The following ADAMTS16 variants were observed in gnomAD, a reference collection of about 807,000 sequenced individuals.
ADAMTS16 encodes A disintegrin and metalloproteinase with thrombospondin motifs 16.
A neutral mutation model predicts 145.8 loss-of-function variants in ADAMTS16; 94 were observed. That is an observed-to-expected ratio of 0.64 (90% CI 0.55 to 0.77). ADAMTS16 has a LOEUF of 0.77. Ranked by LOEUF, ADAMTS16 falls within the 30% of genes least tolerant of loss-of-function variation. The probability of loss-of-function intolerance (pLI) is 0.00; values close to 1 mark genes in which losing one functional copy is unlikely to be tolerated. For synonymous variants in ADAMTS16, 659 were observed against 604.3 expected (o/e 1.09, Z -1.33); for missense variants, 1,585 against 1,591.5 (o/e 1.00, Z 0.07).
At chr5:5,213,954 G>A (rs543400871) in intron 10 of ADAMTS16, among the ~76,000 whole-genome samples, 84 of 152,158 alleles carry the variant, frequency 5.5e-4, no homozygotes, top group Non-Finnish European at 1.0e-3. Flanking sequence ...TTCTATATGA[G>A]CTGACTCTCA....
chr5:5,263,231 C>A (rs1738098271), intron 18 of ADAMTS16, among the ~76,000 whole-genome samples: 1 of 152,140 alleles, frequency 6.6e-6, no homozygotes, highest in Non-Finnish European at 1.5e-5. Context: ...AGGACTGGAG[C>A]CACAGAAAGC....
At chr5:5,305,332 A>ATC (rs1427509806) in intron 20 of ADAMTS16, among the ~76,000 whole-genome samples, 2 of 33,416 alleles carry the variant, frequency 6.0e-5, no homozygotes, top group Non-Finnish European at 6.0e-5. Flanking sequence ...ACACATCCAC[A>ATC]CCACACACAC....
Position 5,311,659 on chromosome 5 carries a change from G to A in ADAMTS16, c.3411+4931G>A, listed in dbSNP as rs112840811. Among the ~76,000 whole-genome samples, 502 of 150,582 alleles carry A rather than the reference G, an allele frequency of 3.3e-3. 5 individuals carry two copies. Among genetic ancestry groups the A allele is most frequent in the African/African-American group, 0.012 (485 of 40,914 alleles). ...CCTCCCCAGTTCAAGTGATTCTCCT[G>A]TCTCAGCCCCCCGAGTAGCTGGGAC... On this transcript the variant is annotated intron_variant, in intron 21 of 22. Coordinates refer to ENST00000274181, the MANE Select transcript of ADAMTS16 (RefSeq NM_139056.4).
chr5:5,143,700 T>A (rs1163336514), intron 2 of ADAMTS16, among the ~76,000 whole-genome samples: 1 of 152,188 alleles, frequency 6.6e-6, no homozygotes, highest in Non-Finnish European at 1.5e-5. Context: ...TGAAGCACTA[T>A]TCACAATAGC....
rs201747003 is a variant in ADAMTS16 at position 5,186,211 on chromosome 5, A to G, written c.923A>G (p.His308Arg). Residue 308 changes from histidine to arginine, a missense_variant, in exon 5 of 23, where the codon CAT (histidine) becomes CGT (arginine). Physicochemically the swap from His to Arg is conservative, Grantham distance 29 (BLOSUM62 0). Around this residue, in one of 3 missense-constraint regions of ADAMTS16, gnomAD observed 453 missense variants for 412.1 expected, o/e 1.10. Transcript: ENST00000274181. ...VDKKMMQNHG[H>R]ENITTYVLTI... Reference sequence around the variant, plus strand: ...AAAAAGATGATGCAAAACCATGGCCATGAAAATATCACCACCTACGTGCTC... The same window carrying G: ...AAAAAGATGATGCAAAACCATGGCCGTGAAAATATCACCACCTACGTGCTC... 246 of 1,613,874 alleles carry G rather than the reference A, an allele frequency of 1.5e-4. No homozygotes were observed. Among genetic ancestry groups the G allele is most frequent in the Non-Finnish European group, 2.0e-4 (235 of 1,180,016 alleles).
At chr5:5,242,309 C>G in intron 17 of ADAMTS16, 118 bp downstream of exon 17, 1 of 1,360,730 alleles carries the variant, frequency 7.3e-7, no homozygotes, top group Non-Finnish European at 9.7e-7. Context: ...CTGCCAGTAG[C>G]AGTGACATTC....
rs144997556 is a variant in ADAMTS16 at position 5,273,277 on chromosome 5, G to C, written c.2789+10494G>C. Among the ~76,000 whole-genome samples the C allele has an allele frequency of 2.6e-5, 4 of 152,352 alleles. No individual in the cohort carries two copies. In the East Asian group the frequency reaches 7.7e-4, roughly 29 times the overall value. ...CCAGTGACTCACGCCTGTAATCCCA[G>C]CACTTTGGGGCAAGTGGACGGCTTG... On this transcript the variant is annotated intron_variant, in intron 18 of 22. Coordinates refer to ENST00000274181, the MANE Select transcript of ADAMTS16 (RefSeq NM_139056.4).
At chr5:5,173,936 A>G (rs1281366671) in intron 3 of ADAMTS16, among the ~76,000 whole-genome samples, 3 of 152,138 alleles carry the variant, frequency 2.0e-5, no homozygotes, top group African/African-American at 7.2e-5. Context: ...ATTATTTTTG[A>G]TGGTTCATCT....
At chr5:5,199,875 A>G (rs1459874409) in intron 8 of ADAMTS16, among the ~76,000 whole-genome samples, 1 of 152,152 alleles carries the variant, frequency 6.6e-6, no homozygotes, top group Non-Finnish European at 1.5e-5. Context: ...ACCCCATTCA[A>G]TACGCAGGCA....
intron 18 of ADAMTS16, among the ~76,000 whole-genome samples, chr5:5,299,971 CG>C (rs1739704715): frequency 6.6e-6 from 1 of 152,146 alleles, no homozygotes; most frequent in Non-Finnish European, 1.5e-5. Context: ...CCCTAAAGCT[CG>C]GTTTTTTAAA....
intron 18 of ADAMTS16, among the ~76,000 whole-genome samples, chr5:5,292,427 G>A (rs1182699492): frequency 6.6e-6 from 1 of 152,032 alleles, no homozygotes; most frequent in Non-Finnish European, 1.5e-5. Flanking sequence ...AACCCTGGGA[G>A]GCAGAGGTTG....
At chr5:5,182,573 A>C (rs1251573446) in intron 4 of ADAMTS16, among the ~76,000 whole-genome samples, 1 of 152,214 alleles carries the variant, frequency 6.6e-6, no homozygotes, top group African/African-American at 2.4e-5. Flanking sequence ...AGTGTGCAGA[A>C]GTGCAGAATC....
intron 20 of ADAMTS16, among the ~76,000 whole-genome samples, chr5:5,306,026 G>A (rs970044284): frequency 2.0e-5 from 3 of 152,182 alleles, no homozygotes; most frequent in South Asian, 4.1e-4. Context: ...TGCTCTCCAC[G>A]CACGCTTCCT....
chr5:5,181,364 A>G (rs1216518281), intron 3 of ADAMTS16, among the ~76,000 whole-genome samples: 1 of 152,130 alleles, frequency 6.6e-6, no homozygotes, highest in East Asian at 1.9e-4. Context: ...TTGTCACCCT[A>G]AAAGGTAAAA....
chr5:5,220,320 T>A (rs6862931), intron 10 of ADAMTS16, among the ~76,000 whole-genome samples: 1 of 149,060 alleles, frequency 6.7e-6, no homozygotes, highest in African/African-American at 2.5e-5. Context: ...CCACCACGCC[T>A]GGCTAATTTT....
Position 5,269,825 on chromosome 5 carries a change from T to C in ADAMTS16, c.2789+7042T>C, listed in dbSNP as rs1282347459. Among the ~76,000 whole-genome samples the C allele has an allele frequency of 6.6e-6, 1 of 152,180 alleles. No individual in the cohort carries two copies. The highest frequency in any genetic ancestry group is 1.5e-5 in the Non-Finnish European group (1 of 68,034). On this transcript the variant is annotated intron_variant, in intron 18 of 22. Coordinates refer to ENST00000274181, the MANE Select transcript of ADAMTS16 (RefSeq NM_139056.4). The surrounding 1 kb of genome is among the most constrained non-coding windows in gnomAD (Gnocchi z 4.3). ...CTGTGTCCTATCTTCTACACTTGAC[T>C]CTCTCAAACACGGTTTAATACACAC... is the stretch of plus-strand genomic sequence containing the variant.
At chr5:5,250,096 G>A (rs2913642) in intron 17 of ADAMTS16, among the ~76,000 whole-genome samples, 141,982 of 152,196 alleles carry the variant, frequency 0.93, 66,847 homozygotes, top group Non-Finnish European at 1. Flanking sequence ...GGTTCTTATG[G>A]GCACAGGATA....
chr5:5,279,746 T>G (rs921572849), intron 18 of ADAMTS16, among the ~76,000 whole-genome samples: 1 of 151,610 alleles, frequency 6.6e-6, no homozygotes, highest in African/African-American at 2.4e-5. Context: ...GCTTGTTTTA[T>G]ACCTGATTAC....
chr5:5,307,392 G>C (rs1282309485), intron 21 of ADAMTS16, among the ~76,000 whole-genome samples: 1 of 152,172 alleles, frequency 6.6e-6, no homozygotes, highest in African/African-American at 2.4e-5. Context: ...CTCTTGGCTG[G>C]GAGAGTGAGC....
Sources: gnomAD v4.1 joint callset for allele counts (sites outside exome capture counted in the v4.1 genomes callset) on GRCh38, gnomAD v4.1.1 for gene constraint, gnomAD v4.1.1 regional missense constraint, Gnocchi (gnomAD v3.1) non-coding constraint, MANE v1.5 for transcripts, NCBI Gene and HGNC (gene_info 2026-07-23, HGNC 2026-07-21) for gene names.